DNAH14: variants seen among roughly 807,000 people sequenced by gnomAD.
The protein encoded by DNAH14 is axonemal beta dynein heavy chain 14.
In DNAH14, 478 loss-of-function variants were observed where a neutral mutation model predicts 520.9. The ratio of observed to expected loss-of-function variants is 0.92; its 90% CI spans 0.85 to 0.99. The LOEUF (loss-of-function observed/expected upper bound fraction) is 0.99, where lower values mean the gene tolerates loss of function less well. DNAH14 is among the 50% of genes least tolerant of loss of function. The pLI is 0.00. For synonymous variants in DNAH14, 1,581 were observed against 1,757.2 expected (o/e 0.90, Z 2.51); for missense variants, 4,831 against 5,234.5 (o/e 0.92, Z 2.38).
At chr1:225,248,204 C>T (rs570699093) in intron 43 of DNAH14, among the ~76,000 whole-genome samples, 4 of 152,124 alleles carry the variant, frequency 2.6e-5, no homozygotes, top group Admixed American at 1.3e-4. Flanking sequence ...ACACCTGTAA[C>T]TCATGTATAA....
intron 36 of DNAH14, among the ~76,000 whole-genome samples, chr1:225,170,470 T>C (rs2082507256): frequency 6.6e-6 from 1 of 152,206 alleles, no homozygotes; most frequent in Non-Finnish European, 1.5e-5. Flanking sequence ...GTTGGAATCC[T>C]AGTCTCTGAT....
chr1:225,025,697 G>T (rs542189774), intron 11 of DNAH14, among the ~76,000 whole-genome samples: 1 of 152,222 alleles, frequency 6.6e-6, no homozygotes, highest in South Asian at 2.1e-4. Context: ...TGAGACTGCA[G>T]TGATCACTAA....
At chr1:225,120,231 T>C (rs944046287) in intron 26 of DNAH14, among the ~76,000 whole-genome samples, 9 of 152,268 alleles carry the variant, frequency 5.9e-5, no homozygotes, top group African/African-American at 2.2e-4. Flanking sequence ...AAAGTGAGCT[T>C]TTCTTGCTGT....
At chr1:224,992,028 G>T (rs2063092554) in intron 8 of DNAH14, among the ~76,000 whole-genome samples, 1 of 152,066 alleles carries the variant, frequency 6.6e-6, no homozygotes, top group South Asian at 2.1e-4. Context: ...TGACAACTTT[G>T]TCAAAAATCA....
intron 12 of DNAH14, among the ~76,000 whole-genome samples, chr1:225,041,786 G>A (rs2148214613): frequency 6.6e-6 from 1 of 152,258 alleles, no homozygotes. Flanking sequence ...TTGAGGTCCA[G>A]TATTCCCAGA....
intron 1 of DNAH14, among the ~76,000 whole-genome samples, chr1:224,930,109 A>G (rs2058585747): frequency 6.6e-6 from 1 of 152,206 alleles, no homozygotes; most frequent in Admixed American, 6.5e-5. Flanking sequence ...TCCCTCAGGC[A>G]GGCCGCGTTC....
chr1:225,085,482 T>C (rs532599252), intron 20 of DNAH14, 62 bp from the exon 21 acceptor site: 1 of 1,401,522 alleles, frequency 7.1e-7, no homozygotes, highest in African/African-American at 1.4e-5. Flanking sequence ...AAAATTTCCA[T>C]TTTGGACATA....
At chr1:224,977,086 C>G (rs980680423) in intron 8 of DNAH14, among the ~76,000 whole-genome samples, 6 of 151,478 alleles carry the variant, frequency 4.0e-5, no homozygotes, top group East Asian at 1.9e-4. Flanking sequence ...TTGGAACCAA[C>G]CCAAATGTCC....
intron 35 of DNAH14, among the ~76,000 whole-genome samples, chr1:225,167,635 A>G (rs1559156389): frequency 6.6e-6 from 1 of 152,216 alleles, no homozygotes; most frequent in South Asian, 2.1e-4. Context: ...ATGGTTATAC[A>G]CTGATAACCT....
intron 60 of DNAH14, among the ~76,000 whole-genome samples, chr1:225,314,724 T>G (rs561197523): frequency 6.6e-6 from 1 of 152,302 alleles, no homozygotes; most frequent in Admixed American, 6.5e-5. Flanking sequence ...ATGAAATTCT[T>G]GGTTGAAAAT....
At chr1:225,398,402 G>GC (rs1188379053) in intron 84 of DNAH14, 118 bp from the exon 85 acceptor site, 19 of 1,275,530 alleles carry the variant, frequency 1.5e-5, no homozygotes, top group Admixed American at 5.7e-5. Flanking sequence ...AGAACTTGGG[G>GC]CAACATGCCT....
intron 17 of DNAH14, among the ~76,000 whole-genome samples, chr1:225,070,781 A>G (rs2148488521): frequency 6.6e-6 from 1 of 152,132 alleles, no homozygotes; most frequent in Non-Finnish European, 1.5e-5. Context: ...TGTCTATTAG[A>G]CATATTGTCA....
intron 60 of DNAH14, among the ~76,000 whole-genome samples, chr1:225,310,108 A>G (rs2094331408): frequency 6.6e-6 from 1 of 151,828 alleles, no homozygotes; most frequent in African/African-American, 2.4e-5. Context: ...TCAGTATTTA[A>G]TATTTTAAGC....
intron 49 of DNAH14, among the ~76,000 whole-genome samples, chr1:225,268,454 A>G (rs538283828): frequency 6.6e-6 from 1 of 152,362 alleles, no homozygotes; most frequent in South Asian, 2.1e-4. Context: ...CTCCTATTCA[A>G]CATAGTTTTG....
chr1:224,971,811 T>G (rs886548427), intron 7 of DNAH14, among the ~76,000 whole-genome samples: 1 of 152,192 alleles, frequency 6.6e-6, no homozygotes, highest in Non-Finnish European at 1.5e-5. Context: ...AAGCTGGTTC[T>G]GTTATTTTCT....
chr1:225,060,393 G>C (rs909274551), intron 17 of DNAH14, among the ~76,000 whole-genome samples: 1 of 151,886 alleles, frequency 6.6e-6, no homozygotes, highest in Non-Finnish European at 1.5e-5. Context: ...CTCTGCATTG[G>C]TTATTCTAGT....
chr1:225,369,198 C>T (rs1005546085), intron 77 of DNAH14, among the ~76,000 whole-genome samples: 13 of 151,152 alleles, frequency 8.6e-5, no homozygotes, highest in Non-Finnish European at 1.6e-4. Flanking sequence ...AGAGAAAAAA[C>T]AAAGCAAAAT....
Position 225,303,200 on chromosome 1 carries a change from A to G in DNAH14, c.8676A>G (p.Glu2892=). The change falls in exon 57 of 86, where the codon GAA becomes GAG. Residue 2892 remains glutamate (E), a synonymous_variant. Coordinates refer to ENST00000682510, the MANE Select transcript of DNAH14 (RefSeq NM_001367479.1). The stretch of plus-strand genomic sequence containing the variant: ...ATATTTTTGTGATCATGAGTCCTGA[A>G]GGACCTAGCTTCCGCCAAAATTGTA... ...NLHIFVIMSP[E]GPSFRQNCRV... 2.0e-6 allele frequency: 3 copies of G among 1,532,244 alleles called. No individual in the cohort carries two copies. The highest frequency in any genetic ancestry group is 2.5e-5 in the East Asian group (1 of 40,740). The allele number at this position is 1,532,244 out of a possible 1,614,324, so 94.9% of individuals were successfully genotyped here.
intron 17 of DNAH14, among the ~76,000 whole-genome samples, chr1:225,071,347 C>A (rs541699519): frequency 6.6e-6 from 1 of 152,202 alleles, no homozygotes; most frequent in Admixed American, 6.5e-5. Context: ...TTAATGCTTC[C>A]TTTAGGAGCT....
Sources: gnomAD v4.1 joint callset for allele counts (sites outside exome capture counted in the v4.1 genomes callset) on GRCh38, gnomAD v4.1.1 for gene constraint, MANE v1.5 for transcripts, NCBI Gene and HGNC (gene_info 2026-07-23, HGNC 2026-07-21) for gene names.